FANCC: variants seen among roughly 807,000 people sequenced by gnomAD.
The protein encoded by FANCC is FA complementation group C.
In FANCC, 55 loss-of-function variants were observed where a neutral mutation model predicts 71.3. The observed-to-expected ratio is 0.77, with a 90% CI of 0.62 to 0.97. The LOEUF is 0.97. Among genes scored for constraint, FANCC ranks in the 50% least tolerant of loss-of-function variants. The pLI is 0.00. For missense variants in FANCC, 678 were observed against 670.9 expected (o/e 1.01, Z -0.12); for synonymous variants, 275 against 244.9 (o/e 1.12, Z -1.15).
chr9:95,218,977 G>A (rs1212151773), intron 4 of FANCC, among the ~76,000 whole-genome samples: 4 of 152,222 alleles, frequency 2.6e-5, no homozygotes. Context: ...ACTTGCCCTA[G>A]CCTTTCCCTG....
intron 7 of FANCC, among the ~76,000 whole-genome samples, chr9:95,137,162 T>C (rs1223498922): frequency 6.6e-6 from 1 of 152,202 alleles, no homozygotes; most frequent in Non-Finnish European, 1.5e-5. Context: ...CCATGACTTT[T>C]GGGCCACTTC....
intron 6 of FANCC, among the ~76,000 whole-genome samples, chr9:95,158,178 G>C (rs1001018905): frequency 1.3e-5 from 2 of 152,180 alleles, no homozygotes; most frequent in Non-Finnish European, 2.9e-5. Context: ...GCTAGGCTAT[G>C]TGCAAAGTAT....
intron 4 of FANCC, among the ~76,000 whole-genome samples, chr9:95,237,540 C>T (rs1278602088): frequency 1.3e-5 from 2 of 152,246 alleles, no homozygotes; most frequent in Non-Finnish European, 2.9e-5. Context: ...TCCAACACGG[C>T]GGCCGCCTGC....
chr9:95,111,375 C>T (rs1388386329), intron 13 of FANCC, 88 bp downstream of exon 13: 1 of 1,597,556 alleles, frequency 6.3e-7, no homozygotes. Flanking sequence ...GTCATGGAAG[C>T]CAAGCCCACA....
intron 1 of FANCC, among the ~76,000 whole-genome samples, chr9:95,310,960 G>A (rs985285315): frequency 1.3e-5 from 2 of 152,148 alleles, no homozygotes; most frequent in Non-Finnish European, 2.9e-5. Flanking sequence ...TAAATCAGGC[G>A]TTGGCCAGGA....
chr9:95,269,595 G>A (rs1467185113), intron 1 of FANCC, among the ~76,000 whole-genome samples: 2 of 152,296 alleles, frequency 1.3e-5, no homozygotes, highest in African/African-American at 2.4e-5. Flanking sequence ...ACAACTGAAG[G>A]CAAAGAGCGG....
At chr9:95,251,618 T>G (rs1419691001) in intron 1 of FANCC, among the ~76,000 whole-genome samples, 1 of 152,192 alleles carries the variant, frequency 6.6e-6, no homozygotes, top group Non-Finnish European at 1.5e-5. Context: ...GCCCAGCCAG[T>G]AATTTAATTT....
At chr9:95,192,149 C>T (rs1173116260) in intron 4 of FANCC, among the ~76,000 whole-genome samples, 11 of 152,160 alleles carry the variant, frequency 7.2e-5, no homozygotes, top group Non-Finnish European at 1.6e-4. Context: ...AAATCGATTC[C>T]CACGGTGCTT....
intron 5 of FANCC, 124 bp downstream of exon 5, chr9:95,171,913 G>T: frequency 1.4e-6 from 1 of 704,756 alleles, no homozygotes; most frequent in Non-Finnish European, 2.6e-6. Context: ...CCCAAGGTAA[G>T]AAGAGATAAA....
At chr9:95,175,951 G>A (rs538880593) in intron 4 of FANCC, among the ~76,000 whole-genome samples, 2 of 152,370 alleles carry the variant, frequency 1.3e-5, no homozygotes, top group South Asian at 4.1e-4. Context: ...TTTGCACAGA[G>A]CAGGTCAGTC....
chr9:95,200,202 G>A (rs938261615), intron 4 of FANCC, among the ~76,000 whole-genome samples: 4 of 152,106 alleles, frequency 2.6e-5, no homozygotes, highest in Non-Finnish European at 5.9e-5. Flanking sequence ...AGCAGTCAGG[G>A]ACCCTGGATC....
At chr9:95,209,862 C>T (rs1828381862) in intron 4 of FANCC, among the ~76,000 whole-genome samples, 1 of 152,160 alleles carries the variant, frequency 6.6e-6, no homozygotes, top group African/African-American at 2.4e-5. Context: ...AGCGAGCAGC[C>T]TGCTAAAGAT....
chr9:95,172,609 G>A (rs932952813), intron 4 of FANCC, among the ~76,000 whole-genome samples: 1 of 151,476 alleles, frequency 6.6e-6, no homozygotes, highest in Admixed American at 6.6e-5. Context: ...CCAGATATTA[G>A]AATTTAATAT....
At position 95,310,674 on chromosome 9, in the gene FANCC, T is replaced by C. The variant is rs1052392990; in HGVS notation, c.-79+6852A>G. Among the ~76,000 whole-genome samples the C allele has an allele frequency of 3.9e-5, 6 of 152,018 alleles. No homozygotes were observed. In the East Asian group the frequency reaches 9.7e-4, roughly 25 times the overall value. On this transcript the variant is annotated intron_variant, in intron 1 of 14. Coordinates refer to ENST00000289081, the MANE Select transcript of FANCC (RefSeq NM_000136.3). ...AACACACTCCTTAAACCAATAAAAG[T>C]CCACCCCCAGGAGCTAGAGGTAGTA...
intron 4 of FANCC, among the ~76,000 whole-genome samples, chr9:95,229,764 C>T (rs1209551936): frequency 1.1e-5 from 1 of 92,542 alleles, no homozygotes; most frequent in Non-Finnish European, 2.2e-5. Context: ...CTTGTGTGCA[C>T]ACATGTACAC....
intron 8 of FANCC, 61 bp from the exon 9 acceptor site, chr9:95,126,642 T>C (rs1826021473): frequency 1.9e-6 from 3 of 1,554,242 alleles, no homozygotes; most frequent in Non-Finnish European, 1.8e-6. Flanking sequence ...AGAAACTTGC[T>C]ATTATCAGCC....
At chr9:95,302,439 G>A (rs560640612) in intron 1 of FANCC, among the ~76,000 whole-genome samples, 4 of 152,322 alleles carry the variant, frequency 2.6e-5, no homozygotes, top group Admixed American at 6.5e-5. Context: ...CTGTTTTGAG[G>A]ATTCTTGAGA....
chr9:95,222,940 T>C (rs910417713), intron 4 of FANCC, among the ~76,000 whole-genome samples: 7 of 152,216 alleles, frequency 4.6e-5, no homozygotes, highest in African/African-American at 7.2e-5. Flanking sequence ...CATCAAGTAG[T>C]TATGCTATAA....
At chr9:95,151,091 C>G (rs750834951) in intron 6 of FANCC, among the ~76,000 whole-genome samples, 3 of 152,182 alleles carry the variant, frequency 2.0e-5, no homozygotes, top group Non-Finnish European at 4.4e-5. Flanking sequence ...CTGCAGAAAG[C>G]GCCACTGGAC....
Sources: allele counts gnomAD v4.1 joint callset (sites outside exome capture counted in the v4.1 genomes callset), GRCh38; gene constraint gnomAD v4.1.1; transcripts MANE v1.5; gene names NCBI Gene and HGNC (gene_info 2026-07-23, HGNC 2026-07-21).